ARMH3: variants seen among roughly 807,000 people sequenced by gnomAD.
The protein encoded by ARMH3 is armadillo like helical domain containing 3.
ARMH3 carries 60 observed loss-of-function variants against 99.1 expected under a neutral mutation model. That is an observed-to-expected ratio of 0.61 (90% CI 0.49 to 0.75). The LOEUF (loss-of-function observed/expected upper bound fraction) is 0.75, where lower values mean the gene tolerates loss of function less well. ARMH3 is among the 30% of genes least tolerant of loss of function. The pLI is 0.00. For missense variants in ARMH3, 679 were observed against 843.1 expected, an observed-to-expected ratio of 0.81 and a Z score of 2.41; for synonymous variants, 285 against 292.8, an observed-to-expected ratio of 0.97 and a Z score of 0.27.
intron 24 of ARMH3, among the ~76,000 whole-genome samples, chr10:101,871,099 A>G (rs960680479): frequency 6.6e-6 from 1 of 152,246 alleles, no homozygotes; most frequent in Admixed American, 6.5e-5. Context: ...CATTTACATG[A>G]CATAAAAATG....
intron 4 of ARMH3, among the ~76,000 whole-genome samples, chr10:102,030,715 T>A (rs920096649): frequency 7.4e-6 from 1 of 135,238 alleles, no homozygotes; most frequent in African/African-American, 2.7e-5. Flanking sequence ...GTCTCAAAAA[T>A]AATAATAATA....
chr10:101,889,389 A>C (rs762058356), intron 24 of ARMH3, 23 bp downstream of exon 24: 2 of 1,593,536 alleles, frequency 1.3e-6, no homozygotes, highest in East Asian at 4.5e-5. Flanking sequence ...CAACTAGGTC[A>C]TCTGGGGAAA....
intron 24 of ARMH3, among the ~76,000 whole-genome samples, chr10:101,876,268 A>AAAC (rs1554852304): frequency 1.3e-5 from 2 of 151,056 alleles, no homozygotes; most frequent in African/African-American, 4.9e-5. Context: ...AAAAAAAAAA[A>AAAC]CAACTTATTT....
intron 23 of ARMH3, among the ~76,000 whole-genome samples, chr10:101,892,335 T>G (rs967976948): frequency 1.1e-4 from 17 of 152,200 alleles, no homozygotes; most frequent in Admixed American, 9.2e-4. Flanking sequence ...GGCATTTGCC[T>G]GTAGTCTCAG....
intron 24 of ARMH3, among the ~76,000 whole-genome samples, chr10:101,856,510 C>A (rs558946673): frequency 1.3e-5 from 2 of 151,966 alleles, no homozygotes; most frequent in East Asian, 3.9e-4. Flanking sequence ...AGACTGTCAT[C>A]ATTCTGTTCC....
At chr10:101,982,804 T>G (rs185344194) in intron 19 of ARMH3, among the ~76,000 whole-genome samples, 1 of 152,190 alleles carries the variant, frequency 6.6e-6, no homozygotes, top group Non-Finnish European at 1.5e-5. Context: ...GACAGGACCA[T>G]CTAGTTGCAG....
At chr10:102,055,189 C>G (rs1365752260) in intron 1 of ARMH3, among the ~76,000 whole-genome samples, 2 of 151,676 alleles carry the variant, frequency 1.3e-5, no homozygotes, top group Non-Finnish European at 2.9e-5. Context: ...GGCGTGGTAG[C>G]GCAAGGCTGA....
intron 8 of ARMH3, among the ~76,000 whole-genome samples, chr10:102,020,947 T>C (rs1036111684): frequency 6.6e-6 from 1 of 152,068 alleles, no homozygotes; most frequent in African/African-American, 2.4e-5. Context: ...CAATTTCCAG[T>C]CCTGCAAGCT....
At chr10:101,847,842 A>C (rs2066498321) in intron 25 of ARMH3, among the ~76,000 whole-genome samples, 1 of 152,180 alleles carries the variant, frequency 6.6e-6, no homozygotes, top group Non-Finnish European at 1.5e-5. Flanking sequence ...CAAACTCTGG[A>C]GGATGTAAGA....
intron 20 of ARMH3, 47 bp downstream of exon 20, chr10:101,975,165 C>A (rs774306744): frequency 1.2e-5 from 19 of 1,532,330 alleles, no homozygotes; most frequent in Non-Finnish European, 1.7e-5. Context: ...CCTAGGGGCT[C>A]AAAAAAGGTA....
At position 102,023,478 on chromosome 10, in the gene ARMH3, T is replaced by G; in HGVS notation, c.668A>C (p.Glu223Ala). The change falls in exon 8 of 26, where the codon GAG becomes GCG. Residue 223 changes from glutamate to alanine, a missense_variant and splice_region_variant. By Grantham distance (107) the Glu-to-Ala change is moderately radical. This residue lies in a region of ARMH3 where 280 missense variants were observed against 354.6 expected (regional missense o/e 0.79). Transcript: ENST00000370033. ...LALLVNYRKY[E>A]SVNPYIVKLS... Reference sequence around the variant, plus strand: ...CTGTCCACTAAGGAGCCCAGTTACCTCATATTTTCTATAGTTCACCAGCAA... The same window carrying G: ...CTGTCCACTAAGGAGCCCAGTTACCGCATATTTTCTATAGTTCACCAGCAA... 2 of 1,613,006 alleles carry G rather than the reference T, an allele frequency of 1.2e-6. No homozygotes were observed. Among genetic ancestry groups the G allele is most frequent in the Non-Finnish European group, 1.7e-6 (2 of 1,179,126 alleles).
chr10:102,000,961 C>A (rs1443048022), intron 15 of ARMH3, among the ~76,000 whole-genome samples: 1 of 152,020 alleles, frequency 6.6e-6, no homozygotes. Flanking sequence ...GGATTACAGG[C>A]ACATGCCACC....
At chr10:101,972,595 C>A (rs981412529) in intron 20 of ARMH3, among the ~76,000 whole-genome samples, 1 of 152,184 alleles carries the variant, frequency 6.6e-6, no homozygotes, top group African/African-American at 2.4e-5. Context: ...GCCATAGACA[C>A]ACTTGTATTC....
At chr10:101,862,374 C>T (rs2066894513) in intron 24 of ARMH3, among the ~76,000 whole-genome samples, 1 of 152,092 alleles carries the variant, frequency 6.6e-6, no homozygotes, top group Non-Finnish European at 1.5e-5. Context: ...GTCAGAAGTT[C>T]GAGACCAGCC....
At chr10:101,945,154 G>A (rs1318370157) in intron 22 of ARMH3, among the ~76,000 whole-genome samples, 2 of 152,190 alleles carry the variant, frequency 1.3e-5, no homozygotes, top group Non-Finnish European at 2.9e-5. Context: ...ACGCTCACAA[G>A]AGGGTCAGTT....
intron 22 of ARMH3, among the ~76,000 whole-genome samples, chr10:101,947,853 CAA>C (rs1274728311): frequency 2.0e-5 from 3 of 151,422 alleles, no homozygotes; most frequent in Non-Finnish European, 4.4e-5. Flanking sequence ...TATATAGTAG[CAA>C]AGTTTCTACA....
intron 19 of ARMH3, among the ~76,000 whole-genome samples, chr10:101,984,603 A>C (rs1192189795): frequency 6.6e-6 from 1 of 151,908 alleles, no homozygotes; most frequent in East Asian, 1.9e-4. Context: ...TGCGACCTAC[A>C]TCCCCAACCC....
At chr10:101,881,568 A>T (rs1444220973) in intron 24 of ARMH3, among the ~76,000 whole-genome samples, 7 of 152,278 alleles carry the variant, frequency 4.6e-5, no homozygotes, top group Non-Finnish European at 8.8e-5. Flanking sequence ...TTTTAACTGC[A>T]ATTTTAAAAA....
intron 23 of ARMH3, among the ~76,000 whole-genome samples, chr10:101,937,135 T>TA (rs1844017148): frequency 6.6e-6 from 1 of 152,226 alleles, no homozygotes; most frequent in African/African-American, 2.4e-5. Context: ...GTTTTCTGTT[T>TA]AACCCTCCAT....
Sources: allele counts gnomAD v4.1 joint callset (sites outside exome capture counted in the v4.1 genomes callset), GRCh38; gene constraint gnomAD v4.1.1; regional missense constraint gnomAD v4.1.1; transcripts MANE v1.5; gene names NCBI Gene and HGNC (gene_info 2026-07-23, HGNC 2026-07-21).